Variants in ZNF253 observed in about 807,000 individuals in gnomAD.
ZNF253 encodes zinc finger protein 253, also known as DNA-binding protein.
A neutral mutation model predicts 11.9 loss-of-function variants in ZNF253; 8 were observed. The ratio of observed to expected loss-of-function variants is 0.67; its 90% CI spans 0.40 to 1.22. The LOEUF is 1.22. Ranked by LOEUF, ZNF253 falls within the 50% of genes most tolerant of loss-of-function variation. The pLI, the probability that ZNF253 is intolerant of heterozygous loss-of-function variation, is 0.01. For synonymous variants in ZNF253, 194 were observed against 194.9 expected (o/e 1.00, Z 0.04); for missense variants, 485 against 586.9 (o/e 0.83, Z 1.79).
intron 3 of ZNF253, among the ~76,000 whole-genome samples, chr19:19,886,810 A>G (rs917674438): frequency 6.6e-6 from 1 of 152,200 alleles, no homozygotes. Flanking sequence ...GTATTCCTCT[A>G]TATGCAAAAT....
At chr19:19,879,664 A>G (rs2063169328) in intron 2 of ZNF253, among the ~76,000 whole-genome samples, 1 of 152,226 alleles carries the variant, frequency 6.6e-6, no homozygotes, top group African/African-American at 2.4e-5. Context: ...ATAAAAAAGA[A>G]TCTGTAGTAT....
chr19:19,882,253 G>T (rs997808547), intron 3 of ZNF253, among the ~76,000 whole-genome samples: 8 of 151,938 alleles, frequency 5.3e-5, no homozygotes, highest in Non-Finnish European at 8.8e-5. Flanking sequence ...TTTTGTATTG[G>T]TATCTAAATT....
At chr19:19,872,585 A>ATTATTATATATATATATATATATTAT (rs59790297) in intron 1 of ZNF253, among the ~76,000 whole-genome samples, 3 of 90,478 alleles carry the variant, frequency 3.3e-5, no homozygotes, top group African/African-American at 1.8e-4. Flanking sequence ...ATATATTATT[A>ATTATTATATATATATATATATATTAT]TATATATATA....
rs914821320 is a variant in ZNF253 at position 19,865,972 on chromosome 19, C to T, written c.-25C>T. On this transcript the variant is annotated 5_prime_UTR_variant, in exon 1 of 4. Transcript: ENST00000589717. ...AAGTATTGGGAGAGCCACAGCTAAA[C>T]CCCGGGACCCCTGGAAGCCTAGAAA... The T allele has an allele frequency of 1.9e-6, 3 of 1,614,066 alleles. No homozygotes were observed. The African/African-American group carries it at 4.0e-5, about 22-fold the overall frequency.
chr19:19,889,209 TA>T (rs1463773364), intron 3 of ZNF253, among the ~76,000 whole-genome samples: 1 of 151,774 alleles, frequency 6.6e-6, no homozygotes, highest in African/African-American at 2.4e-5. Context: ...GTTATTTTTA[TA>T]TTTTTTATAT....
Position 19,885,298 on chromosome 19 carries a change from TTTTCTTTCTTTCTTTCTTTC to T in ZNF253, c.226+5191_226+5210del, listed in dbSNP as rs1555777998. Among the ~76,000 whole-genome samples, 126 of 37,570 alleles carry T rather than the reference TTTTCTTTCTTTCTTTCTTTC, an allele frequency of 3.4e-3. 7 individuals carry two copies. The highest frequency in any genetic ancestry group is 0.03 in the South Asian group (33 of 1,092). The allele number at this position is 37,570 out of a possible 152,430, so 24.6% of individuals were successfully genotyped here. On this transcript the variant is annotated intron_variant, in intron 3 of 3. Coordinates refer to ENST00000589717, the MANE Select transcript of ZNF253 (RefSeq NM_021047.3). ...TTCTTTCTTTCTTTCTTTCTCTTTC[TTTTCTTTCTTTCTTTCTTTC>T]TTTCTTTCTTTCTTTCTTTCTTTCT...
intron 2 of ZNF253, 143 bp downstream of exon 2, chr19:19,878,750 A>C (rs2063165843): frequency 1.3e-6 from 1 of 789,188 alleles, no homozygotes; most frequent in Admixed American, 3.5e-5. Context: ...TATTTTATTT[A>C]TATTTCTGTA....
Position 19,890,832 on chromosome 19 carries a change from A to ATT in ZNF253, c.227-616_227-615dup, listed in dbSNP as rs770757608. Among the ~76,000 whole-genome samples, 672 of 76,852 alleles carry ATT rather than the reference A, an allele frequency of 8.7e-3. 38 individuals carry two copies. The highest frequency in any genetic ancestry group is 0.011 in the African/African-American group (170 of 14,848). 50.4% of individuals were successfully genotyped at this position (76,852 alleles called of 152,430 possible). A position where few individuals can be genotyped will look rare whatever the true frequency, so the allele number is the denominator to read the frequency against. On this transcript the variant is annotated intron_variant, in intron 3 of 3. Coordinates refer to ENST00000589717, the MANE Select transcript of ZNF253 (RefSeq NM_021047.3). The stretch of plus-strand genomic sequence containing the variant: ...GCCATCATGCCTGGCCAACAATTTA[A>ATT]TTTTTTTTTTTTTTTTTTTTTTTTT...
intron 1 of ZNF253, among the ~76,000 whole-genome samples, chr19:19,872,416 C>T (rs182909257): frequency 3.7e-4 from 56 of 151,590 alleles, no homozygotes; most frequent in East Asian, 1.4e-3. Flanking sequence ...CTCAGAGAGA[C>T]GTTGAAAATA....
chr19:19,887,881 C>T (rs1373333332), intron 3 of ZNF253, among the ~76,000 whole-genome samples: 2 of 150,442 alleles, frequency 1.3e-5, no homozygotes, highest in African/African-American at 4.9e-5. Context: ...GGATTACAGG[C>T]ATGCCCCACC....
chr19:19,881,918 C>G (rs937471433), intron 3 of ZNF253, among the ~76,000 whole-genome samples: 2 of 151,944 alleles, frequency 1.3e-5, no homozygotes, highest in Non-Finnish European at 2.9e-5. Flanking sequence ...GCTGGGCTCC[C>G]TGGCTCACAC....
In ZNF253 at chr19:19,876,242, C is replaced by T. The variant is rs780822711; in HGVS notation, c.4-2239C>T. Among the ~76,000 whole-genome samples, 2 of 152,246 alleles carry T rather than the reference C, an allele frequency of 1.3e-5. 1 individual carries two copies. Among genetic ancestry groups the T allele is most frequent in the South Asian group, 4.1e-4 (2 of 4,824 alleles). On this transcript the variant is annotated intron_variant, in intron 1 of 3. Coordinates refer to ENST00000589717, the MANE Select transcript of ZNF253 (RefSeq NM_021047.3). ...CACCCATTTATGGACCCTTTTCAAA[C>T]CTGCAGAATCATATTACATAAAGTG...
At chr19:19,869,372 CA>C (rs1255856583) in intron 1 of ZNF253, among the ~76,000 whole-genome samples, 2 of 151,806 alleles carry the variant, frequency 1.3e-5, no homozygotes, top group Non-Finnish European at 2.9e-5. Context: ...ATAAATTAAA[CA>C]TTTTTTTTTT....
intron 3 of ZNF253, among the ~76,000 whole-genome samples, chr19:19,882,018 G>A (rs751238880): frequency 2.0e-5 from 3 of 151,802 alleles, no homozygotes; most frequent in Non-Finnish European, 2.9e-5. Flanking sequence ...ATGAAACCTC[G>A]TCTTTACTAA....
rs1318009557 is a variant in ZNF253 at position 19,894,543 on chromosome 19, A to G, written c.*1796A>G. ...GTTCTCATTTCTATAATCCTAGCCA[A>G]TGACTTAATGTTGATGCTTTGAATG... is the stretch of plus-strand genomic sequence containing the variant. On this transcript the variant is annotated 3_prime_UTR_variant, in exon 4 of 4. Transcript: ENST00000589717. 2.6e-5 allele frequency: 4 copies of G among 152,192 alleles called. No individual in the cohort carries two copies. Among genetic ancestry groups the G allele is most frequent in the African/African-American group, 9.6e-5 (4 of 41,452 alleles). 9.4% of individuals were successfully genotyped at this position (152,192 alleles called of 1,614,324 possible). A position where few individuals can be genotyped will look rare whatever the true frequency, so the allele number is the denominator to read the frequency against.
intron 3 of ZNF253, among the ~76,000 whole-genome samples, chr19:19,881,774 T>A (rs141642381): frequency 0.012 from 1,895 of 152,318 alleles, 40 homozygotes; most frequent in African/African-American, 0.043. Context: ...TATGGTTTTT[T>A]AAATATGTGA....
At chr19:19,886,735 T>C (rs1019658860) in intron 3 of ZNF253, among the ~76,000 whole-genome samples, 1 of 152,218 alleles carries the variant, frequency 6.6e-6, no homozygotes. Context: ...CACACACTTC[T>C]TATACAGTCT....
rs1328109667 is a variant in ZNF253, at chr19:19,893,134, C to T, written c.*387C>T. ...CTGGGATTACAGGTGCCCAACACCA[C>T]GCCTGGCTAATTTTTGGATTTTTAG... On this transcript the variant is annotated 3_prime_UTR_variant, in exon 4 of 4. Transcript: ENST00000589717. The T allele has an allele frequency of 4.0e-5, 7 of 174,760 alleles. No individual in the cohort carries two copies. The highest frequency in any genetic ancestry group is 4.8e-5 in the African/African-American group (2 of 41,852). The allele number at this position is 174,760 out of a possible 1,614,324, so 10.8% of individuals were successfully genotyped here. A position where few individuals can be genotyped will look rare whatever the true frequency, so the allele number is the denominator to read the frequency against.
chr19:19,889,386 G>T (rs1034791297), intron 3 of ZNF253, among the ~76,000 whole-genome samples: 1 of 151,892 alleles, frequency 6.6e-6, no homozygotes, highest in Non-Finnish European at 1.5e-5. Context: ...TCACTCTGTT[G>T]CCCAGGCTAG....
Sources: allele counts gnomAD v4.1 joint callset (sites outside exome capture counted in the v4.1 genomes callset), GRCh38; gene constraint gnomAD v4.1.1; transcripts MANE v1.5; gene names NCBI Gene and HGNC (gene_info 2026-07-23, HGNC 2026-07-21).